The following IL16 variants were observed in gnomAD, a reference collection of about 807,000 sequenced individuals.
IL16 encodes pro-interleukin-16.
IL16 carries 67 observed loss-of-function variants against 110.1 expected under a neutral mutation model. The ratio of observed to expected loss-of-function variants is 0.61; its 90% CI spans 0.50 to 0.75. The LOEUF is 0.75. Among genes scored for constraint, IL16 ranks in the 30% least tolerant of loss-of-function variants. IL16 has a pLI of 0.00. For synonymous variants in IL16, 689 were observed against 662.9 expected (o/e 1.04, Z -0.61); for missense variants, 1,545 against 1,655.0 (o/e 0.93, Z 1.15).
At chr15:81,214,901 C>G (rs1382778266) in intron 1 of IL16, among the ~76,000 whole-genome samples, 1 of 152,146 alleles carries the variant, frequency 6.6e-6, no homozygotes, top group Non-Finnish European at 1.5e-5. Context: ...CTTTCCTCAG[C>G]TTGATCTATT....
In IL16 at chr15:81,273,167, AG is replaced by A; in HGVS notation, c.758del (p.Gly253GlufsTer26). On this transcript the variant is annotated frameshift_variant, in exon 6 of 19. Coordinates refer to ENST00000683961, the MANE Select transcript of IL16 (RefSeq NM_172217.5). LOFTEE classifies it high-confidence loss of function. Reference protein sequence around the residue: ...IGIYVKTIFAGGAAAADGRLQ... With the variant: ...IGIYVKTIFAXGAAAADGRLQ... ...GGATTTACGTCAAAACCATTTTTGC[AG>A]GGGGAGCAGCAGCAGCCGATGGAAG... 2 of 1,613,304 alleles carry A rather than the reference AG, an allele frequency of 1.2e-6. No homozygotes were observed. Among genetic ancestry groups the A allele is most frequent in the Middle Eastern group, 1.7e-4 (1 of 6,048 alleles).
At chr15:81,266,970 G>A (rs1476954370) in intron 4 of IL16, among the ~76,000 whole-genome samples, 3 of 152,154 alleles carry the variant, frequency 2.0e-5, no homozygotes, top group Non-Finnish European at 4.4e-5. Flanking sequence ...CCCAAACTGG[G>A]AGTGTGGTGT....
intron 18 of IL16, among the ~76,000 whole-genome samples, chr15:81,308,204 G>C (rs1303979673): frequency 4.6e-5 from 7 of 152,186 alleles, no homozygotes; most frequent in Admixed American, 6.5e-5. Context: ...ACCCAATGCT[G>C]ATGTCCTCAC....
intron 2 of IL16, among the ~76,000 whole-genome samples, chr15:81,246,852 CT>C (rs2142125421): frequency 6.6e-6 from 1 of 152,188 alleles, no homozygotes; most frequent in East Asian, 1.9e-4. Flanking sequence ...TAAAACCACT[CT>C]GTTTCTTTAA....
chr15:81,305,245 T>C (rs552194583), intron 16 of IL16, among the ~76,000 whole-genome samples: 91 of 152,346 alleles, frequency 6.0e-4, no homozygotes, highest in Non-Finnish European at 1.0e-3. Context: ...TAAATGCCTT[T>C]TGCTTAGAAA....
intron 2 of IL16, among the ~76,000 whole-genome samples, chr15:81,250,368 G>C (rs905950256): frequency 1.4e-4 from 21 of 152,046 alleles, no homozygotes; most frequent in African/African-American, 5.1e-4. Context: ...AATAGAGATG[G>C]GGCTTCACCG....
At chr15:81,255,776 G>A (rs1007673826) in intron 2 of IL16, among the ~76,000 whole-genome samples, 5 of 152,140 alleles carry the variant, frequency 3.3e-5, no homozygotes, top group African/African-American at 7.2e-5. Context: ...CTGGGTGGGC[G>A]GGGCAGGGAG....
At chr15:81,225,173 G>T in intron 1 of IL16, 126 bp from the exon 2 acceptor site, 2 of 739,064 alleles carry the variant, frequency 2.7e-6, no homozygotes, top group Non-Finnish European at 4.2e-6. Flanking sequence ...GATCTTAAAG[G>T]ATGATCTGCC....
chr15:81,254,383 G>C (rs755379784), intron 2 of IL16, among the ~76,000 whole-genome samples: 1 of 152,182 alleles, frequency 6.6e-6, no homozygotes, highest in Non-Finnish European at 1.5e-5. Context: ...TCCATTCCTT[G>C]GTTGCATGAG....
chr15:81,212,280 T>G (rs902751974), intron 1 of IL16, among the ~76,000 whole-genome samples: 5 of 152,160 alleles, frequency 3.3e-5, no homozygotes, highest in Non-Finnish European at 7.3e-5. Context: ...TTCTAATATG[T>G]TTGCATAGAT....
chr15:81,196,768 G>A (rs1895609176), upstream of IL16: 5 of 951,382 alleles, frequency 5.3e-6, no homozygotes, highest in African/African-American at 3.6e-5. Context: ...CTTGTTCTGA[G>A]GCTGAGCTTC....
chr15:81,264,650 C>T (rs1172490461), intron 3 of IL16, among the ~76,000 whole-genome samples: 1 of 152,178 alleles, frequency 6.6e-6, no homozygotes, highest in Non-Finnish European at 1.5e-5. Context: ...TAGGCAAACC[C>T]TGCCCCTCTC....
At chr15:81,197,623 T>C (rs1395445367) in intron 1 of IL16, among the ~76,000 whole-genome samples, 3 of 152,168 alleles carry the variant, frequency 2.0e-5, no homozygotes, top group Admixed American at 1.3e-4. Context: ...AGATTGACCA[T>C]GGGAAAAGTG....
chr15:81,228,479 C>T (rs542602637), intron 2 of IL16, among the ~76,000 whole-genome samples: 3 of 152,184 alleles, frequency 2.0e-5, no homozygotes, highest in African/African-American at 7.2e-5. Context: ...TGCCACTACA[C>T]CCAGCTAATT....
intron 1 of IL16, among the ~76,000 whole-genome samples, chr15:81,197,381 A>C (rs894599712): frequency 6.6e-6 from 1 of 152,216 alleles, no homozygotes; most frequent in Admixed American, 6.5e-5. Context: ...TCAGAAGGCC[A>C]GAGCGGGCAG....
Position 81,311,408 on chromosome 15 carries a change from C to T in IL16, c.*2610C>T, listed in dbSNP as rs949136561. 1.3e-5 allele frequency: 2 copies of T among 152,256 alleles called. No homozygotes were observed. The highest frequency in any genetic ancestry group is 4.8e-5 in the African/African-American group (2 of 41,460). 9.4% of individuals were successfully genotyped at this position (152,256 alleles called of 1,614,324 possible). On this transcript the variant is annotated 3_prime_UTR_variant, in exon 19 of 19. Transcript: ENST00000683961. ...AAATCAAAGCAGATATATTAAGTGACTGTTCAAGAGCACACTTGGCCCAAG... is the reference window on the plus strand; with the variant it reads ...AAATCAAAGCAGATATATTAAGTGATTGTTCAAGAGCACACTTGGCCCAAG...
At chr15:81,282,041 T>A (rs1899203044) in intron 8 of IL16, among the ~76,000 whole-genome samples, 1 of 152,214 alleles carries the variant, frequency 6.6e-6, no homozygotes, top group Non-Finnish European at 1.5e-5. Flanking sequence ...ATAAACCCGT[T>A]CACTGACATG....
At chr15:81,197,256 C>A in intron 1 of IL16, 104 bp downstream of exon 1, 3 of 688,252 alleles carry the variant, frequency 4.4e-6, no homozygotes, top group Non-Finnish European at 2.1e-6. Context: ...GTTGCTAGGA[C>A]GTAACTTCAT....
chr15:81,280,471 T>G (rs746470144), intron 8 of IL16, among the ~76,000 whole-genome samples: 2 of 152,218 alleles, frequency 1.3e-5, no homozygotes, highest in Non-Finnish European at 2.9e-5. Flanking sequence ...AAATCCTTTA[T>G]AGATTTCTAA....
Sources: gnomAD v4.1 joint callset for allele counts (sites outside exome capture counted in the v4.1 genomes callset) on GRCh38, gnomAD v4.1.1 for gene constraint, MANE v1.5 for transcripts, NCBI Gene and HGNC (gene_info 2026-07-23, HGNC 2026-07-21) for gene names.